UGT3A1: variants seen among roughly 807,000 people sequenced by gnomAD.
The protein encoded by UGT3A1 is UDP glycosyltransferase family 3 member A1, also known as UDP-glycosyltransferase 3A1.
In UGT3A1, 40 loss-of-function variants were observed where a neutral mutation model predicts 37.6. The observed-to-expected ratio is 1.06, with a 90% CI of 0.83 to 1.38. UGT3A1 has a LOEUF of 1.38. Ranked by LOEUF, UGT3A1 falls within the 40% of genes most tolerant of loss-of-function variation. The pLI is 0.00. For synonymous variants in UGT3A1, 256 were observed against 232.3 expected (o/e 1.10, Z -0.93); for missense variants, 642 against 634.2 (o/e 1.01, Z -0.13).
chr5:35,955,681 A>C lies in UGT3A1; in HGVS notation c.1259T>G (p.Leu420Arg), dbSNP rs1739323772. Residue 420 changes from leucine to arginine, a missense_variant, in exon 6 of 7, where the codon CTG becomes CGG. Coordinates refer to ENST00000274278, the MANE Select transcript of UGT3A1 (RefSeq NM_152404.4). Reference sequence around the variant, plus strand: ...TATGACTTGTTTCATTGTAAGTGTCAGTGTGTCGGCTGTGACCTGATTCAA... The same window carrying C: ...TATGACTTGTTTCATTGTAAGTGTCCGTGTGTCGGCTGTGACCTGATTCAA... ...IRLNQVTADT[L>R]TLTMKQVIED... 3 of 1,614,100 alleles carry C rather than the reference A, an allele frequency of 1.9e-6. No individual in the cohort carries two copies. Among genetic ancestry groups the C allele is most frequent in the Non-Finnish European group, 2.5e-6 (3 of 1,180,058 alleles).
At chr5:35,999,308 A>T (rs545579327) in intron 1 of UGT3A1, among the ~76,000 whole-genome samples, 29 of 151,994 alleles carry the variant, frequency 1.9e-4, no homozygotes, top group Non-Finnish European at 3.1e-4. Flanking sequence ...AACGTTTGGC[A>T]ATTATAAAAA....
upstream of UGT3A1, among the ~76,000 whole-genome samples, chr5:35,993,324 C>T (rs1249137320): frequency 2.6e-5 from 4 of 152,018 alleles, no homozygotes; most frequent in Non-Finnish European, 5.9e-5. Context: ...ATTAGCTGGG[C>T]GTGGTAGCAC....
At chr5:35,968,417 G>A (rs1431798359) in intron 2 of UGT3A1, among the ~76,000 whole-genome samples, 1 of 152,102 alleles carries the variant, frequency 6.6e-6, no homozygotes, top group Non-Finnish European at 1.5e-5. Flanking sequence ...TTTTATAGAT[G>A]AGACAACAGA....
chr5:35,974,412 G>A (rs980043006), intron 2 of UGT3A1, among the ~76,000 whole-genome samples: 2 of 152,290 alleles, frequency 1.3e-5, no homozygotes, highest in East Asian at 3.9e-4. Flanking sequence ...AGTCCAGGTG[G>A]AAGTCACTAA....
chr5:35,985,738 T>C (rs1426558464), intron 2 of UGT3A1, among the ~76,000 whole-genome samples: 1 of 152,138 alleles, frequency 6.6e-6, no homozygotes, highest in African/African-American at 2.4e-5. Flanking sequence ...TTCTAAGACT[T>C]AAAACTATGA....
intron 2 of UGT3A1, among the ~76,000 whole-genome samples, chr5:35,970,549 A>G (rs1281701982): frequency 1.3e-5 from 2 of 152,198 alleles, no homozygotes; most frequent in East Asian, 1.9e-4. Context: ...CAGCCAAACC[A>G]TATCAATACT....
upstream of UGT3A1, among the ~76,000 whole-genome samples, chr5:35,995,470 C>T (rs547693047): frequency 1.3e-3 from 198 of 152,322 alleles, no homozygotes; most frequent in African/African-American, 4.6e-3. Flanking sequence ...ATTTCCTGAC[C>T]TCCATAAAGA....
At chr5:35,998,107 C>T (rs2111599507) in intron 1 of UGT3A1, among the ~76,000 whole-genome samples, 1 of 152,330 alleles carries the variant, frequency 6.6e-6, no homozygotes, top group African/African-American at 2.4e-5. Context: ...AACCTGATCC[C>T]ATCATGTGGA....
chr5:35,989,901 G>C (rs1024546753), intron 1 of UGT3A1, among the ~76,000 whole-genome samples: 2 of 152,062 alleles, frequency 1.3e-5, no homozygotes, highest in Non-Finnish European at 2.9e-5. Context: ...TGGCTAACAC[G>C]GTTAAACCCC....
intron 1 of UGT3A1, among the ~76,000 whole-genome samples, chr5:35,990,105 AAAAG>A (rs1561473978): frequency 6.6e-6 from 1 of 150,542 alleles, no homozygotes; most frequent in Non-Finnish European, 1.5e-5. Context: ...AAAAAAAAAA[AAAAG>A]AAAGAAAATC....
intron 1 of UGT3A1, among the ~76,000 whole-genome samples, chr5:35,998,081 A>C (rs906248424): frequency 2.0e-4 from 30 of 152,184 alleles, no homozygotes; most frequent in Admixed American, 1.9e-3. Flanking sequence ...CTGTATGCCT[A>C]CCTAAAAAAA....
intron 2 of UGT3A1, among the ~76,000 whole-genome samples, chr5:35,983,101 A>G (rs1258299047): frequency 2.0e-5 from 3 of 152,118 alleles, no homozygotes; most frequent in Non-Finnish European, 4.4e-5. Context: ...TTCTTCATAA[A>G]TTACGCAGTC....
chr5:36,000,698 T>A (rs115208124), intron 1 of UGT3A1, among the ~76,000 whole-genome samples: 227 of 152,368 alleles, frequency 1.5e-3, no homozygotes, highest in African/African-American at 5.0e-3. Flanking sequence ...TACAAAGGAA[T>A]GCCTGTGTTT....
chr5:35,991,193 C>G lies in UGT3A1; in HGVS notation c.48G>C (p.Gly16=). 6.2e-7 allele frequency: 1 copy of G among 1,614,214 alleles called. No individual in the cohort carries two copies. The part of the protein sequence containing the change: ...VLLLVAFLLS[G]VLLSEAAKIL... ...TTTTGGCAGCCTCTGAGAGCAGGAC[C>G]CCAGAAAGAAGGAAGGCCACTAGAA... The change falls in exon 1 of 7, where the codon GGG becomes GGC. Residue 16 remains glycine (G), a synonymous_variant. Coordinates refer to ENST00000274278, the MANE Select transcript of UGT3A1 (RefSeq NM_152404.4).
At chr5:35,958,909 C>T (rs959993156) in intron 4 of UGT3A1, among the ~76,000 whole-genome samples, 2 of 152,154 alleles carry the variant, frequency 1.3e-5, no homozygotes, top group African/African-American at 4.8e-5. Context: ...TGACATAGCT[C>T]AGATTTCAAG....
intron 2 of UGT3A1, among the ~76,000 whole-genome samples, chr5:35,971,072 C>T (rs1357021161): frequency 2.6e-5 from 4 of 152,146 alleles, no homozygotes; most frequent in South Asian, 2.1e-4. Flanking sequence ...CCATAAATCA[C>T]CTGTAACTGG....
At chr5:35,956,398 CT>C (rs1739358491) in intron 5 of UGT3A1, among the ~76,000 whole-genome samples, 1 of 152,204 alleles carries the variant, frequency 6.6e-6, no homozygotes. Context: ...GGATTCGAAT[CT>C]ACTTGTGTTC....
At chr5:35,999,768 T>C (rs1243102072) in intron 1 of UGT3A1, among the ~76,000 whole-genome samples, 1 of 152,214 alleles carries the variant, frequency 6.6e-6, no homozygotes, top group African/African-American at 2.4e-5. Context: ...CATTTTCCTT[T>C]TCCAGCTGGA....
chr5:35,964,035 ATAGT>A (rs927015517), intron 4 of UGT3A1, among the ~76,000 whole-genome samples: 3 of 152,242 alleles, frequency 2.0e-5, no homozygotes, highest in Admixed American at 6.5e-5. Flanking sequence ...GATGGTAACG[ATAGT>A]TAGTTGCACA....
Sources: allele counts gnomAD v4.1 joint callset (sites outside exome capture counted in the v4.1 genomes callset), GRCh38; gene constraint gnomAD v4.1.1; transcripts MANE v1.5; gene names NCBI Gene and HGNC (gene_info 2026-07-23, HGNC 2026-07-21).